The following UST variants were observed in gnomAD, a reference collection of about 807,000 sequenced individuals.
The protein encoded by UST is uronyl 2-sulfotransferase.
Under a neutral mutation model 45.6 loss-of-function variants are expected in UST, and 21 were observed. That is an observed-to-expected ratio of 0.46 (90% CI 0.33 to 0.66). The LOEUF is 0.66. Among genes scored for constraint, UST ranks in the 30% least tolerant of loss-of-function variants. The pLI, the probability that UST is intolerant of heterozygous loss-of-function variation, is 0.02. For synonymous variants in UST, 215 were observed against 200.6 expected (o/e 1.07, Z -0.61); for missense variants, 463 against 512.4 (o/e 0.90, Z 0.93).
intron 1 of UST, among the ~76,000 whole-genome samples, chr6:148,792,979 A>G (rs1451474117): frequency 1.3e-5 from 2 of 152,222 alleles, no homozygotes; most frequent in African/African-American, 4.8e-5. Flanking sequence ...ATGATTAATT[A>G]TAAGCAACCT....
chr6:148,950,367 T>A (rs1326266340), intron 3 of UST, among the ~76,000 whole-genome samples: 3 of 152,240 alleles, frequency 2.0e-5, no homozygotes, highest in Non-Finnish European at 4.4e-5. Flanking sequence ...TTCCTGGCTG[T>A]GCTTCTGTAT....
At position 148,747,411 on chromosome 6, in the gene UST, G is replaced by C. The variant is rs1160155304; in HGVS notation, c.-20G>C. 1.4e-6 allele frequency: 2 copies of C among 1,393,790 alleles called. No individual in the cohort carries two copies. Among genetic ancestry groups the C allele is most frequent in the Non-Finnish European group, 1.9e-6 (2 of 1,069,972 alleles). 86.3% of individuals were successfully genotyped at this position (1,393,790 alleles called of 1,614,324 possible). A position where few individuals can be genotyped will look rare whatever the true frequency, so the allele number is the denominator to read the frequency against. The stretch of plus-strand genomic sequence containing the variant: ...CCTTTTCCTGGCACGGGCAGGCTGT[G>C]GGAGGCAGCGGAGCAGGCGATGAAG... On this transcript the variant is annotated 5_prime_UTR_variant, in exon 1 of 8. Transcript: ENST00000367463.
intron 1 of UST, among the ~76,000 whole-genome samples, chr6:148,862,905 A>G (rs1212206339): frequency 6.8e-6 from 1 of 147,836 alleles, no homozygotes; most frequent in African/African-American, 2.5e-5. Flanking sequence ...GGGTAACCTG[A>G]CCTTTCTCTC....
At chr6:148,906,950 TGA>T (rs1446413333) in intron 2 of UST, among the ~76,000 whole-genome samples, 1 of 152,206 alleles carries the variant, frequency 6.6e-6, no homozygotes, top group Non-Finnish European at 1.5e-5. Flanking sequence ...AAGCAGAGTT[TGA>T]GTTATGTAAG....
chr6:148,841,581 GTT>G (rs770638985), intron 1 of UST, among the ~76,000 whole-genome samples: 7 of 111,290 alleles, frequency 6.3e-5, no homozygotes, highest in African/African-American at 1.4e-4. Context: ...GGTCTGTTTT[GTT>G]TTTGTTTTTT....
intron 1 of UST, among the ~76,000 whole-genome samples, chr6:148,847,636 CTG>C (rs1215964865): frequency 6.6e-6 from 1 of 152,154 alleles, no homozygotes; most frequent in Non-Finnish European, 1.5e-5. Flanking sequence ...CTCTTGGAGT[CTG>C]TCACAGATGG....
chr6:148,884,713 C>T (rs899080903), intron 1 of UST, among the ~76,000 whole-genome samples: 4 of 152,020 alleles, frequency 2.6e-5, no homozygotes, highest in East Asian at 1.9e-4. Flanking sequence ...TAAGGCTGAA[C>T]GATCTCTCTG....
chr6:148,954,717 C>T (rs938028369), intron 4 of UST, among the ~76,000 whole-genome samples: 4 of 152,184 alleles, frequency 2.6e-5, no homozygotes, highest in Non-Finnish European at 5.9e-5. Flanking sequence ...TTAAGCAATG[C>T]GTGACTGTAA....
Position 148,910,368 on chromosome 6 carries a change from G to A in UST, c.291+23339G>A, listed in dbSNP as rs182111955. ...TTGGTCAGGCTGGTCTCAAACTCCC[G>A]ACCTCAGGTGATCCGCCCGCCTGAA... is the stretch of plus-strand genomic sequence containing the variant. On this transcript the variant is annotated intron_variant, in intron 2 of 7. Coordinates refer to ENST00000367463, the MANE Select transcript of UST (RefSeq NM_005715.3). Among the ~76,000 whole-genome samples, 507 of 152,170 alleles carry A rather than the reference G, an allele frequency of 3.3e-3. 5 individuals are homozygous for A. The highest frequency in any genetic ancestry group is 0.011 in the African/African-American group (470 of 41,502).
chr6:148,923,019 T>C (rs1021026074), intron 2 of UST, among the ~76,000 whole-genome samples: 1 of 151,992 alleles, frequency 6.6e-6, no homozygotes, highest in African/African-American at 2.4e-5. Flanking sequence ...TCTCAAACTC[T>C]TGGCCTGGCC....
intron 2 of UST, among the ~76,000 whole-genome samples, chr6:148,894,186 G>A (rs1338658882): frequency 1.3e-5 from 2 of 152,178 alleles, no homozygotes; most frequent in African/African-American, 4.8e-5. Context: ...ACGTAATTGT[G>A]TAGTAGGAAA....
chr6:148,912,540 G>A (rs1215727212), intron 2 of UST, among the ~76,000 whole-genome samples: 1 of 152,238 alleles, frequency 6.6e-6, no homozygotes, highest in African/African-American at 2.4e-5. Context: ...TCAAGGAGAA[G>A]CAACTCTTAT....
intron 7 of UST, among the ~76,000 whole-genome samples, chr6:149,067,559 G>A (rs10872631): frequency 0.26 from 39,318 of 151,988 alleles, 5,237 homozygotes; most frequent in African/African-American, 0.29. Context: ...CATAGGGCTG[G>A]GCCTCCTCAT....
chr6:148,915,336 G>C (rs1178174009), intron 2 of UST, among the ~76,000 whole-genome samples: 2 of 152,150 alleles, frequency 1.3e-5, no homozygotes, highest in Admixed American at 1.3e-4. Context: ...ATTTTTGCGT[G>C]TATGTCTTCC....
chr6:149,072,507 G>A (rs9377190), intron 7 of UST, among the ~76,000 whole-genome samples: 19,236 of 152,046 alleles, frequency 0.13, 1,473 homozygotes, highest in East Asian at 0.28. Context: ...TACAAAATTA[G>A]CCAGGCATGG....
chr6:148,963,393 A>G (rs1320323593), intron 4 of UST, among the ~76,000 whole-genome samples: 2 of 152,130 alleles, frequency 1.3e-5, no homozygotes, highest in African/African-American at 4.8e-5. Flanking sequence ...CTCTCCCCGA[A>G]CTCCTCAAGG....
intron 1 of UST, among the ~76,000 whole-genome samples, chr6:148,853,726 T>C (rs1390488501): frequency 6.6e-6 from 1 of 152,250 alleles, no homozygotes; most frequent in Non-Finnish European, 1.5e-5. Flanking sequence ...TGTTGAACTT[T>C]TTTTCATATG....
chr6:148,799,777 T>G (rs1345639820), intron 1 of UST, among the ~76,000 whole-genome samples: 1 of 152,202 alleles, frequency 6.6e-6, no homozygotes, highest in Non-Finnish European at 1.5e-5. Flanking sequence ...TACTTAATCC[T>G]TTATTTTACC....
chr6:148,850,713 C>A (rs1026507335), intron 1 of UST, among the ~76,000 whole-genome samples: 2 of 152,086 alleles, frequency 1.3e-5, no homozygotes, highest in African/African-American at 4.8e-5. Context: ...TACAGAGGAA[C>A]CAAGAAGGGA....
Sources: gnomAD v4.1 joint callset for allele counts (sites outside exome capture counted in the v4.1 genomes callset) on GRCh38, gnomAD v4.1.1 for gene constraint, MANE v1.5 for transcripts, NCBI Gene and HGNC (gene_info 2026-07-23, HGNC 2026-07-21) for gene names.